The following NRG2 variants were observed in gnomAD, a reference collection of about 807,000 sequenced individuals.
The protein encoded by NRG2 is pro-neuregulin-2, membrane-bound isoform.
Under a neutral mutation model 73.9 loss-of-function variants are expected in NRG2, and 27 were observed. The observed-to-expected ratio is 0.37, with a 90% CI of 0.27 to 0.50. The LOEUF (loss-of-function observed/expected upper bound fraction) is 0.50, where lower values mean the gene tolerates loss of function less well. Among genes scored for constraint, NRG2 ranks in the 20% least tolerant of loss-of-function variants. The probability of loss-of-function intolerance (pLI) is 0.96; values close to 1 mark genes in which losing one functional copy is unlikely to be tolerated. For missense variants in NRG2, 1,126 were observed against 1,210.1 expected, an observed-to-expected ratio of 0.93 and a Z score of 1.03; for synonymous variants, 532 against 541.0, an observed-to-expected ratio of 0.98 and a Z score of 0.23.
chr5:139,931,646 A>G (rs1185855214), intron 1 of NRG2, among the ~76,000 whole-genome samples: 1 of 152,260 alleles, frequency 6.6e-6, no homozygotes, highest in African/African-American at 2.4e-5. Flanking sequence ...TAATTATAGG[A>G]AAATATGCCA....
At chr5:140,040,340 C>G (rs1761817517) in intron 1 of NRG2, among the ~76,000 whole-genome samples, 2 of 152,152 alleles carry the variant, frequency 1.3e-5, no homozygotes, top group Non-Finnish European at 2.9e-5. Context: ...AAGAACTATA[C>G]TACACATGCT....
rs911871707 is a variant in NRG2, at chr5:139,904,367, G to A, written c.701-16856C>T. The A allele has an allele frequency of 3.2e-6, 5 of 1,586,388 alleles. No homozygotes were observed. The highest frequency in any genetic ancestry group is 2.7e-5 in the African/African-American group (2 of 73,534). Reference sequence around the variant, plus strand: ...CTCCCCTCTGGGTGCTTCTTGCCGCGGCCGCGGCCCCTCCTCCTGGACTCC... The same window carrying A: ...CTCCCCTCTGGGTGCTTCTTGCCGCAGCCGCGGCCCCTCCTCCTGGACTCC... On this transcript the variant is annotated intron_variant, in intron 1 of 9. Transcript: ENST00000361474. This position sits in a 1 kb window ranked among gnomAD's most constrained non-coding sequence, Gnocchi z 6.0.
At chr5:139,999,272 CA>C (rs1198289880) in intron 1 of NRG2, among the ~76,000 whole-genome samples, 1 of 152,222 alleles carries the variant, frequency 6.6e-6, no homozygotes, top group Admixed American at 6.5e-5. Flanking sequence ...CTGCTTCTTG[CA>C]ATTACCTCTC....
At chr5:139,863,590 T>A (rs1210254265) in intron 5 of NRG2, among the ~76,000 whole-genome samples, 1 of 152,198 alleles carries the variant, frequency 6.6e-6, no homozygotes, top group Non-Finnish European at 1.5e-5. Flanking sequence ...CAGGACAGTC[T>A]CACAAGCCCG....
At chr5:139,938,302 T>G (rs1008893921) in intron 1 of NRG2, among the ~76,000 whole-genome samples, 1 of 152,050 alleles carries the variant, frequency 6.6e-6, no homozygotes, top group Non-Finnish European at 1.5e-5. Flanking sequence ...GGACCCAGAA[T>G]AGCCAAAAGC....
At chr5:139,892,570 T>A (rs1357542214) in intron 1 of NRG2, among the ~76,000 whole-genome samples, 1 of 152,082 alleles carries the variant, frequency 6.6e-6, no homozygotes, top group Non-Finnish European at 1.5e-5. Context: ...AGACACCCTC[T>A]CTGAGCTAGG....
At chr5:139,976,161 C>T (rs963673522) in intron 1 of NRG2, among the ~76,000 whole-genome samples, 1 of 152,202 alleles carries the variant, frequency 6.6e-6, no homozygotes, top group Non-Finnish European at 1.5e-5. Context: ...CCACACCCTT[C>T]AGTACTCTGG....
At chr5:139,877,149 T>G (rs1261753435) in intron 3 of NRG2, among the ~76,000 whole-genome samples, 2 of 152,208 alleles carry the variant, frequency 1.3e-5, no homozygotes, top group African/African-American at 4.8e-5. Flanking sequence ...ATGAGACATC[T>G]GTTTCTCTAA....
At chr5:139,996,342 G>A (rs1356153051) in intron 1 of NRG2, among the ~76,000 whole-genome samples, 2 of 152,180 alleles carry the variant, frequency 1.3e-5, no homozygotes, top group Non-Finnish European at 2.9e-5. Context: ...ACAACATGGG[G>A]AATACGGGAG....
chr5:140,011,444 T>C (rs1249058057), intron 1 of NRG2, among the ~76,000 whole-genome samples: 6 of 152,130 alleles, frequency 3.9e-5, no homozygotes, highest in Non-Finnish European at 7.4e-5. Flanking sequence ...TTAGAATAAA[T>C]AGAATATGAC....
At chr5:139,991,430 TG>T in intron 1 of NRG2, among the ~76,000 whole-genome samples, 1 of 152,146 alleles carries the variant, frequency 6.6e-6, no homozygotes. Flanking sequence ...AGTTATGGGG[TG>T]TTTTTTACAT....
At position 139,904,346 on chromosome 5, in the gene NRG2, C is replaced by A. The variant is rs563351645; in HGVS notation, c.701-16835G>T. 2.4e-5 allele frequency: 39 copies of A among 1,593,302 alleles called. No homozygotes were observed. The highest frequency in any genetic ancestry group is 3.3e-5 in the Non-Finnish European group (39 of 1,177,890). On this transcript the variant is annotated intron_variant, in intron 1 of 9. Coordinates refer to ENST00000361474, the MANE Select transcript of NRG2 (RefSeq NM_004883.3). This position sits in a 1 kb window ranked among gnomAD's most constrained non-coding sequence, Gnocchi z 6.0. ...TCGGGCTCCCTCTCCCGCTTCCTCC[C>A]CTCTGGGTGCTTCTTGCCGCGGCCG...
At chr5:139,975,814 C>T (rs547789593) in intron 1 of NRG2, among the ~76,000 whole-genome samples, 13 of 152,320 alleles carry the variant, frequency 8.5e-5, no homozygotes, top group African/African-American at 3.1e-4. Flanking sequence ...TGGGGCTGAA[C>T]ATGCTTTTCA....
intron 1 of NRG2, among the ~76,000 whole-genome samples, chr5:139,967,835 T>G (rs918177312): frequency 6.6e-6 from 1 of 151,972 alleles, no homozygotes; most frequent in South Asian, 2.1e-4. Flanking sequence ...GGCGGGCGCC[T>G]GTAGTCCCAG....
intron 1 of NRG2, among the ~76,000 whole-genome samples, chr5:139,888,610 A>G (rs1011978158): frequency 1.3e-5 from 2 of 152,182 alleles, no homozygotes; most frequent in African/African-American, 2.4e-5. Context: ...CTCTGGAGAA[A>G]GGCAGGCAAG....
intron 1 of NRG2, among the ~76,000 whole-genome samples, chr5:140,011,334 G>T (rs546874805): frequency 6.6e-6 from 1 of 152,268 alleles, no homozygotes; most frequent in East Asian, 1.9e-4. Context: ...TCGGGATTAT[G>T]GTAGGCAGCC....
chr5:139,938,537 TA>T (rs199919369), intron 1 of NRG2, among the ~76,000 whole-genome samples: 39 of 152,124 alleles, frequency 2.6e-4, no homozygotes, highest in African/African-American at 9.2e-4. Flanking sequence ...TTTTCTTTTT[TA>T]AATTTTTGGT....
chr5:139,928,740 C>T (rs1752248953), intron 1 of NRG2, among the ~76,000 whole-genome samples: 1 of 152,228 alleles, frequency 6.6e-6, no homozygotes, highest in Non-Finnish European at 1.5e-5. Context: ...AACTTACCAT[C>T]TTCTCCCTGA....
At chr5:140,023,580 T>C (rs1760415059) in intron 1 of NRG2, among the ~76,000 whole-genome samples, 1 of 152,192 alleles carries the variant, frequency 6.6e-6, no homozygotes, top group Admixed American at 6.5e-5. Flanking sequence ...CCTCTCAAGA[T>C]CAAGATATAT....
Sources: allele counts gnomAD v4.1 joint callset (sites outside exome capture counted in the v4.1 genomes callset), GRCh38; gene constraint gnomAD v4.1.1; non-coding constraint Gnocchi (gnomAD v3.1); transcripts MANE v1.5; gene names NCBI Gene and HGNC (gene_info 2026-07-23, HGNC 2026-07-21).